EIF4E3: variants seen among roughly 807,000 people sequenced by gnomAD.
EIF4E3 encodes the protein eukaryotic translation initiation factor 4E family member 3.
EIF4E3 carries 26 observed loss-of-function variants against 31.7 expected under a neutral mutation model. The observed-to-expected ratio is 0.82, with a 90% CI of 0.60 to 1.14. The LOEUF (loss-of-function observed/expected upper bound fraction) is 1.14. EIF4E3 is among the 50% of genes most tolerant of loss of function. The probability of loss-of-function intolerance (pLI) is 0.00; values close to 1 mark genes in which losing one functional copy is unlikely to be tolerated. For missense variants in EIF4E3, 304 were observed against 270.9 expected (o/e 1.12, Z -0.86); for synonymous variants, 128 against 107.7 (o/e 1.19, Z -1.17).
intron 1 of EIF4E3, among the ~76,000 whole-genome samples, chr3:71,731,254 C>T (rs367876682): frequency 6.6e-6 from 1 of 152,326 alleles, no homozygotes. Flanking sequence ...GCCAACAGTA[C>T]TTGGCATCTT....
chr3:71,725,149 A>T lies in EIF4E3; in HGVS notation c.176+43T>A. The stretch of plus-strand genomic sequence containing the variant: ...GAGACAAAGCGGCGGTGGCGGCAGG[A>T]CCCGGGTCGGGGCCGTGCGCGGCGG... On this transcript the variant is annotated intron_variant, in intron 1 of 6. Transcript: ENST00000425534. The surrounding 1 kb of genome is among the most constrained non-coding windows in gnomAD (Gnocchi z 6.1). 1.9e-6 allele frequency: 2 copies of T among 1,041,978 alleles called. No individual in the cohort carries two copies. The highest frequency in any genetic ancestry group is 2.3e-6 in the Non-Finnish European group (2 of 869,182). 64.5% of individuals were successfully genotyped at this position (1,041,978 alleles called of 1,614,324 possible).
intron 1 of EIF4E3, among the ~76,000 whole-genome samples, chr3:71,724,642 C>T (rs1373407778): frequency 6.6e-6 from 1 of 152,186 alleles, no homozygotes; most frequent in Non-Finnish European, 1.5e-5. Flanking sequence ...AAATACCTGC[C>T]CAGTGGATGA....
At chr3:71,667,873 T>G in the EIF4E3 span, among the ~76,000 whole-genome samples, 7 of 152,358 alleles carry the variant, frequency 4.6e-5, no homozygotes, top group Admixed American at 2.0e-4. Flanking sequence ...AAGCTACCAC[T>G]GACTTTCTTC....
the EIF4E3 span, among the ~76,000 whole-genome samples, chr3:71,664,282 A>G: frequency 9.2e-5 from 14 of 152,330 alleles, no homozygotes; most frequent in East Asian, 2.7e-3. Flanking sequence ...CCATTTAAAA[A>G]AATGGAGGCT....
At chr3:71,725,441 C>CCGCCCCGCCCCGCG (rs1553666865), upstream of EIF4E3, 2 of 833,674 alleles carry the variant, frequency 2.4e-6, no homozygotes, top group Non-Finnish European at 2.9e-6. This position sits in a 1 kb window ranked among gnomAD's most constrained non-coding sequence, Gnocchi z 6.1. Context: ...CCCCCGGCCC[C>CCGCCCCGCCCCGCG]CGCCCCGCCC....
chr3:71,742,728 A>G (rs2049832725), intron 1 of EIF4E3, among the ~76,000 whole-genome samples: 1 of 152,188 alleles, frequency 6.6e-6, no homozygotes, highest in Non-Finnish European at 1.5e-5. Flanking sequence ...GTAAAAATTC[A>G]AAACAAAATT....
rs79338712 is a variant in EIF4E3, at chr3:71,721,254, A to G, written c.176+3938T>C. On this transcript the variant is annotated intron_variant, in intron 1 of 6. Transcript: ENST00000425534. ...ACCCTGTTCAGGGTATTCAGTGCGG[A>G]CTGACTTGTGCTAGGCTCCAATCCA... is the stretch of plus-strand genomic sequence containing the variant. 4.6e-3 allele frequency among the ~76,000 whole-genome samples: 706 copies of G among 152,314 alleles called. 6 individuals are homozygous for G. Among genetic ancestry groups the G allele is most frequent in the African/African-American group, 0.016 (680 of 41,564 alleles).
chr3:71,703,402 C>T (rs2049245516), intron 2 of EIF4E3, among the ~76,000 whole-genome samples: 1 of 152,182 alleles, frequency 6.6e-6, no homozygotes, highest in African/African-American at 2.4e-5. Flanking sequence ...ATAACCTTCA[C>T]AGGTCATGTA....
At chr3:71,724,760 CT>C (rs1043192006) in intron 1 of EIF4E3, among the ~76,000 whole-genome samples, 34 of 152,176 alleles carry the variant, frequency 2.2e-4, no homozygotes, top group African/African-American at 8.2e-4. Flanking sequence ...GGATGGGCAA[CT>C]TTTCCGAGCG....
chr3:71,699,562 T>A, intron 3 of EIF4E3, 52 bp downstream of exon 3: 4 of 1,488,916 alleles, frequency 2.7e-6, no homozygotes, highest in Non-Finnish European at 3.7e-6. Flanking sequence ...TTTATGAGGT[T>A]CACAAACATT....
the EIF4E3 span, among the ~76,000 whole-genome samples, chr3:71,664,566 T>TGA: frequency 7.9e-5 from 12 of 151,080 alleles, no homozygotes; most frequent in South Asian, 2.5e-3. Context: ...CTGGGACTGT[T>TGA]GAGAGAGAGA....
chr3:71,663,948 G>C, the EIF4E3 span, among the ~76,000 whole-genome samples: 2 of 152,208 alleles, frequency 1.3e-5, no homozygotes, highest in Admixed American at 1.3e-4. Flanking sequence ...TCCTGAGGCA[G>C]ATCAGGCAGG....
intron 5 of EIF4E3, among the ~76,000 whole-genome samples, chr3:71,691,940 T>G (rs2049068892): frequency 6.6e-6 from 1 of 152,164 alleles, no homozygotes; most frequent in African/African-American, 2.4e-5. Context: ...ACATCACCCT[T>G]TTGGGGAAAT....
intron 5 of EIF4E3, among the ~76,000 whole-genome samples, chr3:71,691,493 G>A (rs550549477): frequency 2.0e-5 from 3 of 151,936 alleles, no homozygotes; most frequent in African/African-American, 4.8e-5. Flanking sequence ...GTCCACTTAC[G>A]TAAATACTCA....
intron 1 of EIF4E3, among the ~76,000 whole-genome samples, chr3:71,751,667 T>C (rs949055118): frequency 7.9e-5 from 12 of 152,216 alleles, no homozygotes; most frequent in African/African-American, 1.4e-4. Flanking sequence ...TCTCAATTGA[T>C]AGCCAATGAT....
the EIF4E3 span, among the ~76,000 whole-genome samples, chr3:71,668,233 C>T: frequency 6.6e-6 from 1 of 152,174 alleles, no homozygotes; most frequent in Non-Finnish European, 1.5e-5. Flanking sequence ...CCCTTCCTTA[C>T]ACCTTATACA....
intron 3 of EIF4E3, 139 bp from the exon 4 acceptor site, chr3:71,696,659 T>G: frequency 1.0e-6 from 1 of 963,704 alleles, no homozygotes; most frequent in Non-Finnish European, 1.5e-6. Context: ...TTCTTATTTT[T>G]GTTTTTTATT....
chr3:71,724,310 A>G (rs2049594664), intron 1 of EIF4E3, among the ~76,000 whole-genome samples: 1 of 152,208 alleles, frequency 6.6e-6, no homozygotes, highest in Non-Finnish European at 1.5e-5. Context: ...CCAAAAACAA[A>G]AATCCACTGC....
At chr3:71,736,339 A>G (rs757636784) in intron 1 of EIF4E3, among the ~76,000 whole-genome samples, 1 of 152,216 alleles carries the variant, frequency 6.6e-6, no homozygotes, top group Non-Finnish European at 1.5e-5. Flanking sequence ...CGTCCACACA[A>G]AAACCCACAC....
Sources: gnomAD v4.1 joint callset for allele counts (sites outside exome capture counted in the v4.1 genomes callset) on GRCh38, gnomAD v4.1.1 for gene constraint, Gnocchi (gnomAD v3.1) non-coding constraint, MANE v1.5 for transcripts, NCBI Gene and HGNC (gene_info 2026-07-23, HGNC 2026-07-21) for gene names.